The following KATNAL2 variants were observed in gnomAD, a reference collection of about 807,000 sequenced individuals.
KATNAL2 encodes the protein katanin catalytic subunit A1 like 2, also known as katanin p60 ATPase-containing subunit A-like 2.
KATNAL2 carries 52 observed loss-of-function variants against 76.3 expected under a neutral mutation model. The ratio of observed to expected loss-of-function variants is 0.68; its 90% CI spans 0.55 to 0.86. The LOEUF (loss-of-function observed/expected upper bound fraction) is 0.86. KATNAL2 is among the 40% of genes least tolerant of loss of function. The pLI, the probability that KATNAL2 is intolerant of heterozygous loss-of-function variation, is 0.00. For missense variants in KATNAL2, 660 were observed against 668.9 expected (o/e 0.99, Z 0.15); for synonymous variants, 243 against 244.2 (o/e 1.00, Z 0.05).
At chr18:46,957,341 C>A (rs1248811113) in intron 3 of KATNAL2, among the ~76,000 whole-genome samples, 1 of 149,936 alleles carries the variant, frequency 6.7e-6, no homozygotes, top group East Asian at 2.0e-4. Flanking sequence ...GCAGGCTCCG[C>A]CCCCCGGGGT....
intron 3 of KATNAL2, among the ~76,000 whole-genome samples, chr18:47,039,641 T>TC (rs2060896864): frequency 6.6e-6 from 1 of 152,194 alleles, no homozygotes; most frequent in Non-Finnish European, 1.5e-5. Context: ...GTGCAGTGGA[T>TC]CCAGTACTGA....
intron 1 of KATNAL2, among the ~76,000 whole-genome samples, chr18:46,935,733 T>C (rs1245990428): frequency 2.0e-5 from 3 of 152,120 alleles, no homozygotes; most frequent in Admixed American, 1.3e-4. Context: ...CTGATCAACA[T>C]GGTGAAACCC....
intron 5 of KATNAL2, 32 bp downstream of exon 5, chr18:47,053,078 G>A (rs763549814): frequency 2.7e-6 from 4 of 1,508,458 alleles, no homozygotes; most frequent in Non-Finnish European, 3.6e-6. Flanking sequence ...ATAAGGCTTT[G>A]TCTCATCTGT....
chr18:47,051,800 A>G (rs1450110619), intron 4 of KATNAL2, among the ~76,000 whole-genome samples: 1 of 152,190 alleles, frequency 6.6e-6, no homozygotes, highest in African/African-American at 2.4e-5. Flanking sequence ...ATAGTGGCTC[A>G]CACCTGTAAT....
chr18:47,091,555 C>T (rs541020059), intron 15 of KATNAL2, among the ~76,000 whole-genome samples: 5 of 152,118 alleles, frequency 3.3e-5, no homozygotes, highest in Non-Finnish European at 7.4e-5. Context: ...ACTTGTCCTT[C>T]GTTTCCTCCC....
chr18:47,061,150 T>A (rs1300502251), intron 8 of KATNAL2, among the ~76,000 whole-genome samples: 2 of 152,206 alleles, frequency 1.3e-5, no homozygotes, highest in Middle Eastern at 3.2e-3. Context: ...AAACCCCAGG[T>A]CTGTCATTTC....
intron 6 of KATNAL2, chr18:47,054,708 G>A: frequency 2.7e-6 from 1 of 375,926 alleles, no homozygotes; most frequent in Non-Finnish European, 4.7e-6. Context: ...TAACCTCAAA[G>A]GTTAAAAGAC....
chr18:47,058,910 G>A (rs926877625), intron 7 of KATNAL2, among the ~76,000 whole-genome samples: 21 of 152,094 alleles, frequency 1.4e-4, no homozygotes, highest in African/African-American at 4.6e-4. Flanking sequence ...GAATCCAGCA[G>A]GTGAGAGAAG....
chr18:46,954,757 CCT>C (rs1408882789), intron 3 of KATNAL2, among the ~76,000 whole-genome samples: 22 of 151,754 alleles, frequency 1.4e-4, no homozygotes, highest in Non-Finnish European at 5.9e-5. Context: ...AATTCTCCCA[CCT>C]CAGCCTCCAG....
chr18:47,040,625 A>G (rs928767916), intron 3 of KATNAL2, among the ~76,000 whole-genome samples: 4 of 152,206 alleles, frequency 2.6e-5, no homozygotes, highest in Non-Finnish European at 5.9e-5. Context: ...TGAGAGTACT[A>G]CTTTGTAAGA....
chr18:47,046,702 C>T (rs1210742156), intron 4 of KATNAL2, among the ~76,000 whole-genome samples, 175 bp downstream of exon 4: 1 of 152,158 alleles, frequency 6.6e-6, no homozygotes, highest in Non-Finnish European at 1.5e-5. Flanking sequence ...CCAGTTTCCT[C>T]TCCCAGTGAC....
At position 47,052,962 on chromosome 18, in the gene KATNAL2, G is replaced by C; in HGVS notation, c.205G>C (p.Glu69Gln). Residue 69 changes from glutamate to glutamine, a missense_variant, in exon 5 of 18, where the codon GAA becomes CAA. By Grantham distance (29) the Glu-to-Gln change is conservative. Transcript: ENST00000683218. ...TGAAGTTTGTGACAACATTGATCTT[G>C]AAACTATTTTGATGGAATATGAGAG... ...RFEVCDNIDL[E>Q]TILMEYESYY... The C allele has an allele frequency of 6.2e-7, 1 of 1,611,272 alleles. No individual in the cohort carries two copies. The highest frequency in any genetic ancestry group is 8.5e-7 in the Non-Finnish European group (1 of 1,178,634).
At chr18:46,947,038 G>A (rs2059401609) in intron 3 of KATNAL2, 115 bp downstream of exon 3, 2 of 787,250 alleles carry the variant, frequency 2.5e-6, no homozygotes, top group African/African-American at 1.7e-5. Flanking sequence ...CTAGAGAAGC[G>A]CAAACGCAGT....
chr18:46,932,037 A>G (rs1216358996), intron 1 of KATNAL2, among the ~76,000 whole-genome samples: 1 of 151,766 alleles, frequency 6.6e-6, no homozygotes, highest in Non-Finnish European at 1.5e-5. Context: ...CAGCCTCCCA[A>G]GTAGCTGGGA....
chr18:47,071,953 C>CTTTTTT lies in KATNAL2; in HGVS notation c.1008+2386_1008+2391dup, dbSNP rs574265545. On this transcript the variant is annotated intron_variant, in intron 13 of 17. Coordinates refer to ENST00000683218, the MANE Select transcript of KATNAL2 (RefSeq NM_001387690.1). ...GAAACAATTCCTCTCCCAATTTCTTCTTTTTTTTTTTTTTTTTTTTTTTTT... is the reference window on the plus strand; with the variant it reads ...GAAACAATTCCTCTCCCAATTTCTTCTTTTTTTTTTTTTTTTTTTTTTTTTTTTTTT... 3.1e-3 allele frequency among the ~76,000 whole-genome samples: 137 copies of CTTTTTT among 43,946 alleles called. 42 individuals carry two copies. Among genetic ancestry groups the CTTTTTT allele is most frequent in the African/African-American group, 9.6e-3 (80 of 8,344 alleles). 28.8% of individuals were successfully genotyped at this position (43,946 alleles called of 152,430 possible).
intron 3 of KATNAL2, among the ~76,000 whole-genome samples, chr18:47,040,727 T>A (rs1488438843): frequency 6.6e-6 from 1 of 152,092 alleles, no homozygotes; most frequent in Non-Finnish European, 1.5e-5. Flanking sequence ...TCAGCCCGGG[T>A]GTTCAAGGCC....
chr18:46,957,545 C>T (rs1307684735), intron 3 of KATNAL2, among the ~76,000 whole-genome samples: 13 of 141,312 alleles, frequency 9.2e-5, no homozygotes, highest in African/African-American at 3.4e-4. Context: ...TGAACCACCG[C>T]GCCTGGCCTT....
chr18:47,076,709 T>C (rs371373288), intron 14 of KATNAL2: 1 of 151,522 alleles, frequency 6.6e-6, no homozygotes, highest in Admixed American at 6.6e-5. Flanking sequence ...AAAGGAATTA[T>C]AGTTATGGGC....
At chr18:47,066,864 T>A (rs760653604) in intron 10 of KATNAL2, among the ~76,000 whole-genome samples, 157 bp from the exon 11 acceptor site, 1,482 of 68,826 alleles carry the variant, frequency 0.022, 174 homozygotes, top group South Asian at 0.035. Context: ...TATATATATA[T>A]ATATATATAT....
Sources: gnomAD v4.1 joint callset for allele counts (sites outside exome capture counted in the v4.1 genomes callset) on GRCh38, gnomAD v4.1.1 for gene constraint, MANE v1.5 for transcripts, NCBI Gene and HGNC (gene_info 2026-07-23, HGNC 2026-07-21) for gene names.